The following BMPR2 variants were observed in gnomAD, a reference collection of about 807,000 sequenced individuals.
BMPR2 encodes the protein bone morphogenetic protein receptor type-2.
In BMPR2, 29 loss-of-function variants were observed where a neutral mutation model predicts 100.8. The observed-to-expected ratio is 0.29, with a 90% CI of 0.21 to 0.39. The LOEUF (loss-of-function observed/expected upper bound fraction) is 0.39. Ranked by LOEUF, BMPR2 falls within the 10% of genes least tolerant of loss-of-function variation. BMPR2 has a pLI of 1.00. For synonymous variants in BMPR2, 382 were observed against 442.3 expected, an observed-to-expected ratio of 0.86 and a Z score of 1.71; for missense variants, 1,011 against 1,274.5, an observed-to-expected ratio of 0.79 and a Z score of 3.15.
At chr2:202,524,896 C>T (rs1177223251) in intron 7 of BMPR2, among the ~76,000 whole-genome samples, 1 of 151,880 alleles carries the variant, frequency 6.6e-6, no homozygotes, top group Admixed American at 6.6e-5. Flanking sequence ...AAAAAATTAG[C>T]CAGGCATGGT....
rs751491744 is a variant in BMPR2 at position 202,566,198 on chromosome 2, T to G, written c.*6252T>G. On this transcript the variant is annotated 3_prime_UTR_variant, in exon 13 of 13. Coordinates refer to ENST00000374580, the MANE Select transcript of BMPR2 (RefSeq NM_001204.7). ...AGGCAACATGTGGGTTTTATCCATT[T>G]TATTTATACCTTTAGATTTCAGAAA... The G allele has an allele frequency of 6.6e-5, 10 of 152,608 alleles. No homozygotes were observed. Among genetic ancestry groups the G allele is most frequent in the Non-Finnish European group, 1.2e-4 (8 of 68,004 alleles). 9.5% of individuals were successfully genotyped at this position (152,608 alleles called of 1,614,324 possible). A position where few individuals can be genotyped will look rare whatever the true frequency, so the allele number is the denominator to read the frequency against.
intron 1 of BMPR2, among the ~76,000 whole-genome samples, chr2:202,391,247 A>AT (rs2105903089): frequency 6.6e-6 from 1 of 152,080 alleles, no homozygotes; most frequent in Admixed American, 6.6e-5. Flanking sequence ...AAGTGCTGAG[A>AT]TTACAGGTGT....
chr2:202,546,894 G>A (rs1220069931), intron 10 of BMPR2, among the ~76,000 whole-genome samples: 1 of 148,768 alleles, frequency 6.7e-6, no homozygotes, highest in Non-Finnish European at 1.5e-5. Flanking sequence ...GAGCCACCGT[G>A]CCCAGCCGGT....
rs776457291 is a variant in BMPR2, at chr2:202,563,766, T to C, written c.*3820T>C. The stretch of plus-strand genomic sequence containing the variant: ...GATTCCATAGCAGATTTGGGGGAAT[T>C]AACAAAGAATTTCAGTCTCATCAAT... On this transcript the variant is annotated 3_prime_UTR_variant, in exon 13 of 13. Coordinates refer to ENST00000374580, the MANE Select transcript of BMPR2 (RefSeq NM_001204.7). 6.6e-6 allele frequency: 1 copy of C among 152,106 alleles called. No homozygotes were observed. The highest frequency in any genetic ancestry group is 1.5e-5 in the Non-Finnish European group (1 of 67,996). The allele number at this position is 152,106 out of a possible 1,614,324, so 9.4% of individuals were successfully genotyped here.
chr2:202,529,179 G>T (rs1687970233), intron 7 of BMPR2, among the ~76,000 whole-genome samples: 1 of 152,186 alleles, frequency 6.6e-6, no homozygotes, highest in Non-Finnish European at 1.5e-5. Context: ...CCTTGGGAGG[G>T]CAGGGGGATA....
intron 1 of BMPR2, among the ~76,000 whole-genome samples, chr2:202,418,906 A>AAAAT (rs1691196854): frequency 6.6e-6 from 1 of 152,232 alleles, no homozygotes; most frequent in Non-Finnish European, 1.5e-5. Context: ...TTCCCAAGAG[A>AAAAT]CAGCTTTGTA....
intron 1 of BMPR2, among the ~76,000 whole-genome samples, chr2:202,431,720 CTT>C (rs1363770484): frequency 6.7e-6 from 1 of 150,362 alleles, no homozygotes; most frequent in African/African-American, 2.5e-5. Flanking sequence ...GAGCAATAGA[CTT>C]TATAACCTAG....
chr2:202,469,605 A>T (rs1207009562), intron 3 of BMPR2: 2 of 194,594 alleles, frequency 1.0e-5, no homozygotes, highest in Non-Finnish European at 2.2e-5. Context: ...CAGCCTCCCA[A>T]GTAGCCAGGA....
intron 7 of BMPR2, among the ~76,000 whole-genome samples, chr2:202,525,968 C>T (rs1408905092): frequency 1.4e-5 from 2 of 143,302 alleles, no homozygotes; most frequent in East Asian, 4.5e-4. Flanking sequence ...CGGGTTCAAG[C>T]AATTCTCCTG....
intron 6 of BMPR2, among the ~76,000 whole-genome samples, chr2:202,519,636 T>A (rs1262804524): frequency 6.6e-6 from 1 of 152,216 alleles, no homozygotes; most frequent in African/African-American, 2.4e-5. Context: ...TTCATTCTGA[T>A]GCAACATTCT....
At chr2:202,446,595 A>G (rs1016124948) in intron 1 of BMPR2, among the ~76,000 whole-genome samples, 16 of 150,014 alleles carry the variant, frequency 1.1e-4, no homozygotes, top group South Asian at 2.1e-4. Context: ...TCATGATCCT[A>G]CCACATTTGG....
intron 1 of BMPR2, among the ~76,000 whole-genome samples, chr2:202,453,385 A>C (rs895850319): frequency 3.9e-5 from 6 of 152,180 alleles, no homozygotes; most frequent in African/African-American, 1.4e-4. Context: ...CATTGTTCAC[A>C]ATAGCCAAGA....
intron 3 of BMPR2, among the ~76,000 whole-genome samples, 190 bp from the exon 4 acceptor site, chr2:202,513,529 T>A (rs1333975478): frequency 6.6e-6 from 1 of 152,212 alleles, no homozygotes; most frequent in African/African-American, 2.4e-5. Context: ...TACAGAATAG[T>A]CTGTATGATT....
At chr2:202,420,672 G>C (rs1220792414) in intron 1 of BMPR2, among the ~76,000 whole-genome samples, 1 of 148,086 alleles carries the variant, frequency 6.8e-6, no homozygotes, top group Non-Finnish European at 1.5e-5. Flanking sequence ...TCAGCCTCCT[G>C]AGTAGCTGGG....
At position 202,555,704 on chromosome 2, in the gene BMPR2, G is replaced by A; in HGVS notation, c.2039G>A (p.Ser680Asn). The A allele has an allele frequency of 1.9e-6, 3 of 1,614,118 alleles. No individual in the cohort carries two copies. The highest frequency in any genetic ancestry group is 2.5e-6 in the Non-Finnish European group (3 of 1,180,032). Residue 680 changes from serine (S) to asparagine (N), a missense_variant, in exon 12 of 13, where the codon AGC becomes AAC. By Grantham distance (46) the Ser-to-Asn change is conservative (BLOSUM62 1). Around this residue, in one of 6 missense-constraint regions of BMPR2, gnomAD observed 508 missense variants for 552.0 expected, o/e 0.92. Transcript: ENST00000374580. ...PKEVDKNLKESSDENLMEHSL... is the reference protein window; with the variant it reads ...PKEVDKNLKENSDENLMEHSL... ...GAAGTTGATAAGAACCTCAAGGAAA[G>A]CTCTGATGAGAATCTCATGGAGCAC...
chr2:202,522,772 A>G (rs1477045368), intron 7 of BMPR2, among the ~76,000 whole-genome samples: 1 of 151,718 alleles, frequency 6.6e-6, no homozygotes, highest in East Asian at 1.9e-4. Flanking sequence ...TCTAATTGCA[A>G]TGAGCTATGA....
chr2:202,403,202 C>A (rs979346130), intron 1 of BMPR2, among the ~76,000 whole-genome samples: 1 of 142,962 alleles, frequency 7.0e-6, no homozygotes, highest in Non-Finnish European at 1.5e-5. Context: ...CTCCCCTCCC[C>A]TCCCCTCCTC....
chr2:202,440,262 G>A lies in BMPR2; in HGVS notation c.77-24547G>A, dbSNP rs540514154. On this transcript the variant is annotated intron_variant, in intron 1 of 12. Coordinates refer to ENST00000374580, the MANE Select transcript of BMPR2 (RefSeq NM_001204.7). ...ACCTCCCAGACGGGGTGGCGGCCGGGCAGAGGGGCTCCTCACCTCCCAGAC... is the reference window on the plus strand; with the variant it reads ...ACCTCCCAGACGGGGTGGCGGCCGGACAGAGGGGCTCCTCACCTCCCAGAC... Among the ~76,000 whole-genome samples, 5 of 150,684 alleles carry A rather than the reference G, an allele frequency of 3.3e-5. No homozygotes were observed. In the South Asian group the frequency reaches 1.0e-3, roughly 31 times the overall value.
chr2:202,447,680 A>T (rs912720530), intron 1 of BMPR2, among the ~76,000 whole-genome samples: 23 of 150,914 alleles, frequency 1.5e-4, no homozygotes, highest in East Asian at 7.7e-4. Flanking sequence ...ACCCTGTCTC[A>T]CATACACAAG....
Sources: gnomAD v4.1 joint callset for allele counts (sites outside exome capture counted in the v4.1 genomes callset) on GRCh38, gnomAD v4.1.1 for gene constraint, gnomAD v4.1.1 regional missense constraint, MANE v1.5 for transcripts, NCBI Gene and HGNC (gene_info 2026-07-23, HGNC 2026-07-21) for gene names.